Variants in PIK3CD observed in about 807,000 individuals in gnomAD.
The protein encoded by PIK3CD is phosphatidylinositol-4,5-bisphosphate 3-kinase catalytic subunit delta.
Under a neutral mutation model 122.9 loss-of-function variants are expected in PIK3CD, and 20 were observed. The ratio of observed to expected loss-of-function variants is 0.16; its 90% CI spans 0.11 to 0.24. The LOEUF (loss-of-function observed/expected upper bound fraction) is 0.24. Ranked by LOEUF, PIK3CD falls within the 10% of genes least tolerant of loss-of-function variation. PIK3CD has a pLI of 1.00. For missense variants in PIK3CD, 787 were observed against 1,406.3 expected, an observed-to-expected ratio of 0.56 and a Z score of 7.04; for synonymous variants, 596 against 593.4, an observed-to-expected ratio of 1.00 and a Z score of -0.06.
chr1:9,627,427 GC>G, the PIK3CD span, among the ~76,000 whole-genome samples: 5 of 152,262 alleles, frequency 3.3e-5, no homozygotes, highest in African/African-American at 1.2e-4. Context: ...CATCCAACAG[GC>G]TGGGGTTTGA....
the PIK3CD span, among the ~76,000 whole-genome samples, chr1:9,629,193 C>T: frequency 6.6e-6 from 1 of 152,246 alleles, no homozygotes; most frequent in African/African-American, 2.4e-5. Context: ...ACTTGAAGCT[C>T]TGAGTCCTGG....
Position 9,718,192 on chromosome 1 carries a change from G to A in PIK3CD, c.1021-502G>A, listed in dbSNP as rs1434041847. 1 of 465,340 alleles carries A rather than the reference G, an allele frequency of 2.1e-6. No individual in the cohort carries two copies. The highest frequency in any genetic ancestry group is 2.0e-5 in the African/African-American group (1 of 50,552). The allele number at this position is 465,340 out of a possible 1,614,324, so 28.8% of individuals were successfully genotyped here. On this transcript the variant is annotated intron_variant, in intron 8 of 23. Coordinates refer to ENST00000377346, the MANE Select transcript of PIK3CD (RefSeq NM_005026.5). The surrounding 1 kb of genome is among the most constrained non-coding windows in gnomAD (Gnocchi z 7.2). ...TCCTGCCTGGAGTGTGTTTCACTGG[G>A]GAAATCGTATAAGCAGGGCAGGTCT...
Position 9,724,264 on chromosome 1 carries a change from C to T in PIK3CD, c.2719-12C>T, listed in dbSNP as rs746935988. ...CCTTCTCAATCCTCCCCCTCCTCTCCCCTCCCCTCAGCTGTTCCACATTGA... is the reference window on the plus strand; with the variant it reads ...CCTTCTCAATCCTCCCCCTCCTCTCTCCTCCCCTCAGCTGTTCCACATTGA... On this transcript the variant is annotated splice_polypyrimidine_tract_variant and intron_variant, in intron 21 of 23. Transcript: ENST00000377346. This position sits in a 1 kb window ranked among gnomAD's most constrained non-coding sequence, Gnocchi z 7.3. The T allele has an allele frequency of 2.5e-6, 4 of 1,614,030 alleles. No individual in the cohort carries two copies. The highest frequency in any genetic ancestry group is 1.1e-5 in the South Asian group (1 of 91,080).
chr1:9,695,838 A>G, intron 2 of PIK3CD, among the ~76,000 whole-genome samples: 1 of 148,474 alleles, frequency 6.7e-6, no homozygotes, highest in African/African-American at 2.5e-5. Flanking sequence ...AGCGAGACTC[A>G]GTCTCAAAAA....
the PIK3CD span, among the ~76,000 whole-genome samples, chr1:9,635,849 C>T: frequency 6.6e-6 from 1 of 152,244 alleles, no homozygotes; most frequent in Non-Finnish European, 1.5e-5. Context: ...CTGTACGGGG[C>T]TGCCCCTGTT....
intron 1 of PIK3CD, among the ~76,000 whole-genome samples, chr1:9,671,854 G>A (rs1016167456): frequency 6.6e-6 from 1 of 152,192 alleles, no homozygotes. Context: ...TCCCAGGGTG[G>A]TGGCAAGAGC....
Position 9,724,832 on chromosome 1 carries a change from A to G in PIK3CD, c.2893A>G (p.Thr965Ala). ...CCGGGGCTACTGTGAAAGGGCCTAC[A>G]CCATCCTGCGGCGCCACGGGCTTCT... ...RFRGYCERAYTILRRHGLLFL... is the reference protein window; with the variant it reads ...RFRGYCERAYAILRRHGLLFL... The change falls in exon 23 of 24, where the codon ACC (threonine) becomes GCC (alanine). Residue 965 changes from threonine (T) to alanine (A), a missense_variant. Thr to Ala is a moderately conservative substitution (Grantham distance 58, BLOSUM62 0). Coordinates refer to ENST00000377346, the MANE Select transcript of PIK3CD (RefSeq NM_005026.5). The surrounding 1 kb of genome is among the most constrained non-coding windows in gnomAD (Gnocchi z 7.3). The G allele has an allele frequency of 1.2e-6, 2 of 1,613,672 alleles. No individual in the cohort carries two copies. The highest frequency in any genetic ancestry group is 2.2e-5 in the East Asian group (1 of 44,878).
rs904489138 is a variant in PIK3CD, at chr1:9,651,767, G to C, written c.-173G>C. ...GCGCAGTCGCTCCGAGCGGCCGCGA[G>C]CAGAGCCGCCCAGCCCTGCCAGCTG... is the stretch of plus-strand genomic sequence containing the variant. On this transcript the variant is annotated 5_prime_UTR_variant, in exon 1 of 24. Coordinates refer to ENST00000377346, the MANE Select transcript of PIK3CD (RefSeq NM_005026.5). 7.2e-5 allele frequency: 11 copies of C among 152,098 alleles called. No homozygotes were observed. The highest frequency in any genetic ancestry group is 1.6e-4 in the Non-Finnish European group (11 of 68,012). The allele number at this position is 152,098 out of a possible 1,614,324, so 9.4% of individuals were successfully genotyped here.
In PIK3CD at chr1:9,705,340, AAG is replaced by A. The variant is rs1319713432; in HGVS notation, c.-32-5083_-32-5082del. 7.7e-3 allele frequency among the ~76,000 whole-genome samples: 1,162 copies of A among 150,520 alleles called. 7 individuals carry two copies. Among genetic ancestry groups the A allele is most frequent in the Non-Finnish European group, 0.014 (949 of 67,594 alleles). On this transcript the variant is annotated intron_variant, in intron 2 of 23. Coordinates refer to ENST00000377346, the MANE Select transcript of PIK3CD (RefSeq NM_005026.5). ...AAAAATACCAAAAAAAAAAAAAAAA[AAG>A]GAAAAAAAAAAGGGTGTAGTGGCAT...
At chr1:9,655,454 C>G (rs552727428) in intron 1 of PIK3CD, among the ~76,000 whole-genome samples, 56 of 133,084 alleles carry the variant, frequency 4.2e-4, no homozygotes, top group African/African-American at 1.5e-3. Context: ...CCGCCCCCCC[C>G]CCTTTTTTAT....
At chr1:9,726,310 C>T (rs999079051) in intron 23 of PIK3CD, among the ~76,000 whole-genome samples, 14 of 152,068 alleles carry the variant, frequency 9.2e-5, no homozygotes, top group Non-Finnish European at 1.9e-4. Context: ...AGATCGAGAC[C>T]ATCCTGGCTA....
chr1:9,647,059 C>T (rs1644615862), upstream of PIK3CD, among the ~76,000 whole-genome samples: 4 of 150,830 alleles, frequency 2.7e-5, no homozygotes, highest in South Asian at 4.2e-4. Context: ...TGCAGTGAGC[C>T]GAGATCGTGT....
rs535110401 is a variant in PIK3CD at position 9,711,426 on chromosome 1, A to C, written c.141+830A>C. On this transcript the variant is annotated intron_variant, in intron 3 of 23. Coordinates refer to ENST00000377346, the MANE Select transcript of PIK3CD (RefSeq NM_005026.5). ...ATAAATCACGTCCATGAGTTGTTGA[A>C]AGACTTGTGGTTGCGTCCAATTATT... Among the ~76,000 whole-genome samples the C allele has an allele frequency of 2.6e-5, 4 of 152,276 alleles. No individual in the cohort carries two copies. In the South Asian group the frequency reaches 8.3e-4, roughly 32 times the overall value.
chr1:9,728,201 G>C lies in PIK3CD; in HGVS notation c.*1155G>C, dbSNP rs1649978312. The C allele has an allele frequency of 6.6e-6, 1 of 151,978 alleles. No homozygotes were observed. Among genetic ancestry groups the C allele is most frequent in the Admixed American group, 6.6e-5 (1 of 15,240 alleles). 9.4% of individuals were successfully genotyped at this position (151,978 alleles called of 1,614,324 possible). ...ACCATCACCTTTGGGAACCTGCTGT[G>C]AGAGTGCTGAGGTACCAGAAGTGTG... On this transcript the variant is annotated 3_prime_UTR_variant, in exon 24 of 24. Transcript: ENST00000377346.
At position 9,724,261 on chromosome 1, in the gene PIK3CD, C is replaced by T. The variant is rs777739751; in HGVS notation, c.2719-15C>T. 1 of 1,613,994 alleles carries T rather than the reference C, an allele frequency of 6.2e-7. No homozygotes were observed. The highest frequency in any genetic ancestry group is 2.2e-5 in the East Asian group (1 of 44,862). On this transcript the variant is annotated splice_polypyrimidine_tract_variant and intron_variant, in intron 21 of 23. Transcript: ENST00000377346. The surrounding 1 kb of genome is among the most constrained non-coding windows in gnomAD (Gnocchi z 7.3). ...ACACCTTCTCAATCCTCCCCCTCCT[C>T]TCCCCTCCCCTCAGCTGTTCCACAT...
At chr1:9,649,609 G>A (rs114287786), upstream of PIK3CD, among the ~76,000 whole-genome samples, 133 of 152,272 alleles carry the variant, frequency 8.7e-4, no homozygotes, top group Admixed American at 2.3e-3. Flanking sequence ...CATCTCTTGG[G>A]TAGAAAAAGT....
chr1:9,677,747 A>T (rs960576697), intron 1 of PIK3CD, among the ~76,000 whole-genome samples: 4 of 152,034 alleles, frequency 2.6e-5, no homozygotes, highest in Admixed American at 6.6e-5. Flanking sequence ...TATATGCCAT[A>T]TGTTTTATAA....
the PIK3CD span, among the ~76,000 whole-genome samples, chr1:9,639,707 G>A: frequency 2.0e-5 from 3 of 152,034 alleles, no homozygotes; most frequent in African/African-American, 4.8e-5. Context: ...AACCTCAACC[G>A]TTATCTTCAG....
At chr1:9,688,494 G>T (rs1646058402) in intron 1 of PIK3CD, among the ~76,000 whole-genome samples, 1 of 152,122 alleles carries the variant, frequency 6.6e-6, no homozygotes, top group Admixed American at 6.6e-5. Flanking sequence ...GCCTAGCTTC[G>T]GCTTCCCCAC....
Sources: allele counts gnomAD v4.1 joint callset (sites outside exome capture counted in the v4.1 genomes callset), GRCh38; gene constraint gnomAD v4.1.1; non-coding constraint Gnocchi (gnomAD v3.1); transcripts MANE v1.5; gene names NCBI Gene and HGNC (gene_info 2026-07-23, HGNC 2026-07-21).